Variants in OSBPL10 observed in about 807,000 individuals in gnomAD.
OSBPL10 encodes oxysterol binding protein like 10.
In OSBPL10, 49 loss-of-function variants were observed where a neutral mutation model predicts 81.7. The observed-to-expected ratio is 0.60, with a 90% CI of 0.48 to 0.76. The LOEUF (loss-of-function observed/expected upper bound fraction) is 0.76. OSBPL10 is among the 30% of genes least tolerant of loss of function. The probability of loss-of-function intolerance (pLI) is 0.00; values close to 1 mark genes in which losing one functional copy is unlikely to be tolerated. For synonymous variants in OSBPL10, 419 were observed against 383.6 expected, an observed-to-expected ratio of 1.09 and a Z score of -1.08; for missense variants, 923 against 987.8, an observed-to-expected ratio of 0.93 and a Z score of 0.88.
intron 4 of OSBPL10, among the ~76,000 whole-genome samples, chr3:31,813,524 C>T (rs1253163579): frequency 1.3e-5 from 2 of 152,200 alleles, no homozygotes; most frequent in African/African-American, 2.4e-5. Flanking sequence ...ATTAAAACTT[C>T]CTATTGTTGC....
At chr3:31,985,032 C>T (rs984123572), upstream of OSBPL10, among the ~76,000 whole-genome samples, 3 of 152,210 alleles carry the variant, frequency 2.0e-5, 1 homozygote, top group Non-Finnish European at 4.4e-5. Flanking sequence ...TGAGGTCAGG[C>T]GTTCAAGACC....
intron 1 of OSBPL10, among the ~76,000 whole-genome samples, chr3:31,904,972 C>T (rs1030541623): frequency 3.9e-5 from 6 of 151,936 alleles, no homozygotes; most frequent in East Asian, 3.9e-4. Flanking sequence ...AGGCTGCCAC[C>T]GGAATATAAA....
At position 32,055,401 on chromosome 3, in the gene OSBPL10, A is replaced by C. The variant is rs183966317; in HGVS notation, n.186-8798T>G. Among the ~76,000 whole-genome samples, 39 of 151,532 alleles carry C rather than the reference A, an allele frequency of 2.6e-4. 2 individuals are homozygous for C. The highest frequency in any genetic ancestry group is 1.8e-3 in the Admixed American group (28 of 15,230). On this transcript the variant is annotated intron_variant and non_coding_transcript_variant, in intron 1 of 3. Transcript: ENST00000479173. ...GTATTTTTAGTAGAGATGGGGTTTC[A>C]CCATGTTGGCCAGGCTGGTCTCCTA...
At chr3:31,799,378 TTAAAA>T (rs1699319006) in intron 4 of OSBPL10, among the ~76,000 whole-genome samples, 1 of 26,908 alleles carries the variant, frequency 3.7e-5, no homozygotes, top group East Asian at 1.9e-3. Flanking sequence ...CCCTATCTCT[TTAAAA>T]AAAAAAAAAA....
At chr3:31,901,029 A>G (rs754156780) in intron 1 of OSBPL10, among the ~76,000 whole-genome samples, 5 of 152,232 alleles carry the variant, frequency 3.3e-5, no homozygotes, top group Non-Finnish European at 7.3e-5. Context: ...AAATCTAAAA[A>G]TATTTCAAAA....
At chr3:31,691,260 C>A (rs1391242014) in intron 7 of OSBPL10, among the ~76,000 whole-genome samples, 3 of 152,148 alleles carry the variant, frequency 2.0e-5, no homozygotes, top group African/African-American at 4.8e-5. Flanking sequence ...AAGTAAATAA[C>A]CAATCTTCAG....
chr3:31,796,076 T>C (rs1699204457), intron 4 of OSBPL10: 1 of 174,526 alleles, frequency 5.7e-6, no homozygotes, highest in South Asian at 1.6e-4. Context: ...AAGAAACACA[T>C]GAGTTCATCC....
chr3:31,991,265 C>T (rs546924080), intron 2 of OSBPL10: 233 of 330,994 alleles, frequency 7.0e-4, no homozygotes, highest in African/African-American at 4.5e-3. Context: ...GGCCAAAAGA[C>T]GTGAGCCACT....
At chr3:31,840,667 G>A (rs12639071) in intron 3 of OSBPL10, among the ~76,000 whole-genome samples, 2,047 of 152,280 alleles carry the variant, frequency 0.013, 50 homozygotes, top group South Asian at 0.091. Flanking sequence ...TAAGTCGTGC[G>A]TCCATGAGGC....
At chr3:31,747,478 A>ATCT (rs1697560282) in intron 5 of OSBPL10, among the ~76,000 whole-genome samples, 1 of 124,164 alleles carries the variant, frequency 8.1e-6, no homozygotes, top group Non-Finnish European at 1.7e-5. Flanking sequence ...AATGAAATGA[A>ATCT]TCTTCAAATA....
rs111735431 is a variant in OSBPL10, at chr3:31,840,345, T to C, written c.538-10114A>G. Reference sequence around the variant, plus strand: ...TAATCTCTGACAGAGCACTCCTGTCTACTAAGAGATCATTATCTCCTTCCC... The same window carrying C: ...TAATCTCTGACAGAGCACTCCTGTCCACTAAGAGATCATTATCTCCTTCCC... On this transcript the variant is annotated intron_variant, in intron 3 of 11. Transcript: ENST00000396556. 7.5e-3 allele frequency among the ~76,000 whole-genome samples: 1,140 copies of C among 152,336 alleles called. 16 individuals carry two copies. Among genetic ancestry groups the C allele is most frequent in the South Asian group, 0.058 (281 of 4,828 alleles).
At chr3:31,947,972 T>C (rs543585583) in intron 1 of OSBPL10, among the ~76,000 whole-genome samples, 1 of 152,078 alleles carries the variant, frequency 6.6e-6, no homozygotes, top group Non-Finnish European at 1.5e-5. Flanking sequence ...TTGGGTTTGA[T>C]ACTCCCAATC....
At chr3:32,062,418 A>G (rs1277938117) in intron 1 of OSBPL10, among the ~76,000 whole-genome samples, 1 of 94,166 alleles carries the variant, frequency 1.1e-5, no homozygotes, top group East Asian at 2.4e-4. Flanking sequence ...TTATATGGCT[A>G]TGTTTGTATG....
At chr3:32,075,764 A>T (rs1261858387) in intron 1 of OSBPL10, among the ~76,000 whole-genome samples, 1 of 152,228 alleles carries the variant, frequency 6.6e-6, no homozygotes, top group Admixed American at 6.5e-5. Flanking sequence ...TATTAATATA[A>T]GAAGACAGGA....
chr3:31,994,985 A>C (rs1699074698), intron 2 of OSBPL10, among the ~76,000 whole-genome samples: 1 of 152,210 alleles, frequency 6.6e-6, no homozygotes, highest in South Asian at 2.1e-4. Context: ...AAAACCAGTA[A>C]GTTTTTATTC....
At chr3:32,035,151 G>C (rs1699505599) in intron 2 of OSBPL10, among the ~76,000 whole-genome samples, 1 of 152,154 alleles carries the variant, frequency 6.6e-6, no homozygotes, top group Non-Finnish European at 1.5e-5. Context: ...GTACTTCATA[G>C]AGGAGTCTGA....
intron 2 of OSBPL10, among the ~76,000 whole-genome samples, chr3:32,040,492 C>G (rs1483791296): frequency 6.6e-6 from 1 of 152,048 alleles, no homozygotes; most frequent in Non-Finnish European, 1.5e-5. Context: ...AGGAGCATGA[C>G]TTGAACCCAG....
At chr3:31,857,833 A>G (rs2125590303) in intron 3 of OSBPL10, among the ~76,000 whole-genome samples, 1 of 26,224 alleles carries the variant, frequency 3.8e-5, no homozygotes, top group African/African-American at 1.8e-4. Context: ...AGGGAGAGGG[A>G]GAGGGAAAGA....
intron 2 of OSBPL10, among the ~76,000 whole-genome samples, chr3:32,032,210 G>A (rs1417696703): frequency 3.3e-5 from 5 of 152,132 alleles, no homozygotes; most frequent in Non-Finnish European, 7.4e-5. Context: ...CTTGAGGTCA[G>A]GAGTTCAAGA....
Sources: gnomAD v4.1 joint callset for allele counts (sites outside exome capture counted in the v4.1 genomes callset) on GRCh38, gnomAD v4.1.1 for gene constraint, MANE v1.5 for transcripts, NCBI Gene and HGNC (gene_info 2026-07-23, HGNC 2026-07-21) for gene names.